The following DCC variants were observed in gnomAD, a reference collection of about 807,000 sequenced individuals.
DCC encodes netrin receptor DCC.
A neutral mutation model predicts 172.5 loss-of-function variants in DCC; 58 were observed. That is an observed-to-expected ratio of 0.34 (90% confidence interval 0.27 to 0.42). The LOEUF (loss-of-function observed/expected upper bound fraction) is 0.42. Among genes scored for constraint, DCC ranks in the 10% least tolerant of loss-of-function variants. The probability of loss-of-function intolerance (pLI) is 1.00; values close to 1 mark genes in which losing one functional copy is unlikely to be tolerated. For missense variants in DCC, 1,740 were observed against 1,791.0 expected (o/e 0.97, Z 0.51); for synonymous variants, 709 against 644.5 (o/e 1.10, Z -1.52).
chr18:52,694,091 C>G (rs1039192751), intron 1 of DCC, among the ~76,000 whole-genome samples: 1 of 151,966 alleles, frequency 6.6e-6, no homozygotes, highest in East Asian at 1.9e-4. Context: ...TAGCATGTCC[C>G]CCAGTATGAT....
intron 3 of DCC, among the ~76,000 whole-genome samples, chr18:52,919,480 T>G (rs1298328851): frequency 6.6e-6 from 1 of 152,170 alleles, no homozygotes; most frequent in Non-Finnish European, 1.5e-5. Flanking sequence ...GATCATGTTT[T>G]TCTGGCAAAA....
intron 1 of DCC, among the ~76,000 whole-genome samples, chr18:52,545,290 G>T (rs530999364): frequency 6.6e-6 from 1 of 152,324 alleles, no homozygotes; most frequent in South Asian, 2.1e-4. Context: ...TTGGTGGAGG[G>T]ATGCCTTCTT....
At chr18:53,077,244 A>G (rs1219573114) in intron 7 of DCC, among the ~76,000 whole-genome samples, 2 of 151,862 alleles carry the variant, frequency 1.3e-5, no homozygotes, top group African/African-American at 4.8e-5. Flanking sequence ...GCCATTTATA[A>G]TTTCATATAA....
chr18:52,960,166 A>T (rs139139081), intron 5 of DCC, among the ~76,000 whole-genome samples: 2,063 of 152,218 alleles, frequency 0.014, 61 homozygotes, highest in African/African-American at 0.048. Flanking sequence ...GGGTTTCAAA[A>T]CTATAGATTT....
At chr18:52,479,134 A>T (rs1377553935) in intron 1 of DCC, among the ~76,000 whole-genome samples, 1 of 152,162 alleles carries the variant, frequency 6.6e-6, no homozygotes, top group Non-Finnish European at 1.5e-5. Context: ...AAGTTAAATG[A>T]TATGGAGAGA....
chr18:52,644,312 C>T lies in DCC; in HGVS notation c.92-107742C>T, dbSNP rs541322571. 3.9e-5 allele frequency among the ~76,000 whole-genome samples: 6 copies of T among 152,218 alleles called. No homozygotes were observed. In the East Asian group the frequency reaches 7.8e-4, roughly 20 times the overall value. ...AGTGTGTAGAGGCTGGGTGTGATGGCTCACGCCTGTAATCCCAGCATTCTG... is the reference window on the plus strand; with the variant it reads ...AGTGTGTAGAGGCTGGGTGTGATGGTTCACGCCTGTAATCCCAGCATTCTG... On this transcript the variant is annotated intron_variant, in intron 1 of 28. Coordinates refer to ENST00000442544, the MANE Select transcript of DCC (RefSeq NM_005215.4).
chr18:53,482,180 T>C (rs2045840425), intron 25 of DCC, among the ~76,000 whole-genome samples: 1 of 152,184 alleles, frequency 6.6e-6, no homozygotes, highest in Non-Finnish European at 1.5e-5. Flanking sequence ...AGAATGATTA[T>C]TTTTTGTTAT....
At chr18:52,913,749 G>A (rs1046485133) in intron 3 of DCC, among the ~76,000 whole-genome samples, 1 of 151,970 alleles carries the variant, frequency 6.6e-6, no homozygotes, top group African/African-American at 2.4e-5. Flanking sequence ...ATATTTAACA[G>A]CCCTAGGTGG....
At chr18:53,353,974 CGTT>C (rs2057845463) in intron 15 of DCC, among the ~76,000 whole-genome samples, 1 of 152,140 alleles carries the variant, frequency 6.6e-6, no homozygotes, top group South Asian at 2.1e-4. Context: ...CAAGTGTTCT[CGTT>C]GTTCAATTCC....
rs563648733 is a variant in DCC at position 52,485,523 on chromosome 18, A to G, written c.91+144645A>G. ...TCTAGCAGATAAATTGTGTTATTAGACATTTTTATGCACTGTCTGGCTGTG... is the reference window on the plus strand; with the variant it reads ...TCTAGCAGATAAATTGTGTTATTAGGCATTTTTATGCACTGTCTGGCTGTG... On this transcript the variant is annotated intron_variant, in intron 1 of 28. Transcript: ENST00000442544. Among the ~76,000 whole-genome samples the G allele has an allele frequency of 5.3e-5, 8 of 152,232 alleles. No individual in the cohort carries two copies. The East Asian group carries it at 1.5e-3, about 29-fold the overall frequency.
intron 22 of DCC, among the ~76,000 whole-genome samples, chr18:53,448,478 C>T (rs1411578941): frequency 6.6e-6 from 1 of 152,214 alleles, no homozygotes; most frequent in African/African-American, 2.4e-5. Context: ...ATTAAATTAG[C>T]TCCCACTGGG....
chr18:52,629,822 T>G (rs924417718), intron 1 of DCC, among the ~76,000 whole-genome samples: 2 of 151,460 alleles, frequency 1.3e-5, no homozygotes, highest in Admixed American at 6.6e-5. Context: ...TGCTGGCGGG[T>G]ACCTGTAGTC....
chr18:52,675,535 G>A (rs2035632531), intron 1 of DCC, among the ~76,000 whole-genome samples: 2 of 152,116 alleles, frequency 1.3e-5, no homozygotes, highest in Non-Finnish European at 2.9e-5. Flanking sequence ...GTATAACCAA[G>A]CTGCACCCTG....
chr18:52,563,031 G>A (rs2033075171), intron 1 of DCC, among the ~76,000 whole-genome samples: 1 of 152,054 alleles, frequency 6.6e-6, no homozygotes, highest in Non-Finnish European at 1.5e-5. Context: ...ACAAAACTCT[G>A]ATACTTTTTG....
chr18:52,386,818 C>T (rs1985817900), intron 1 of DCC, among the ~76,000 whole-genome samples: 1 of 152,062 alleles, frequency 6.6e-6, no homozygotes, highest in South Asian at 2.1e-4. Context: ...GTACACATTA[C>T]ACAACATGTA....
intron 5 of DCC, among the ~76,000 whole-genome samples, chr18:53,002,295 T>A (rs1166588177): frequency 6.6e-6 from 1 of 152,112 alleles, no homozygotes; most frequent in Non-Finnish European, 1.5e-5. Context: ...ATCCTCATCA[T>A]CACGAAATGT....
chr18:52,845,849 C>T (rs978952452), intron 2 of DCC, among the ~76,000 whole-genome samples: 4 of 152,190 alleles, frequency 2.6e-5, no homozygotes, highest in Non-Finnish European at 5.9e-5. Flanking sequence ...ACTTGATTGG[C>T]TACTGCTAGG....
intron 12 of DCC, 115 bp downstream of exon 12, chr18:53,215,712 A>G: frequency 2.4e-6 from 2 of 847,518 alleles, no homozygotes; most frequent in Non-Finnish European, 4.1e-6. Context: ...ATGTGCAGAA[A>G]TGTTCTGGAA....
chr18:52,688,654 C>CA (rs900719763), intron 1 of DCC, among the ~76,000 whole-genome samples: 1 of 151,108 alleles, frequency 6.6e-6, no homozygotes, highest in Non-Finnish European at 1.5e-5. Flanking sequence ...CTAAAATAAA[C>CA]AAAAAAAGGG....
Sources: allele counts gnomAD v4.1 joint callset (sites outside exome capture counted in the v4.1 genomes callset), GRCh38; gene constraint gnomAD v4.1.1; transcripts MANE v1.5; gene names NCBI Gene and HGNC (gene_info 2026-07-23, HGNC 2026-07-21).